Variants in SKAP1 observed in about 807,000 individuals in gnomAD.
SKAP1 encodes the protein src kinase associated phosphoprotein 1.
A neutral mutation model predicts 58.5 loss-of-function variants in SKAP1; 44 were observed. The ratio of observed to expected loss-of-function variants is 0.75; its 90% CI spans 0.59 to 0.97. SKAP1 has a LOEUF of 0.97. SKAP1 is among the 50% of genes least tolerant of loss of function. The probability of loss-of-function intolerance (pLI) is 0.00; values close to 1 mark genes in which losing one functional copy is unlikely to be tolerated. For missense variants in SKAP1, 390 were observed against 435.2 expected (o/e 0.90, Z 0.92); for synonymous variants, 127 against 149.7 (o/e 0.85, Z 1.11).
rs1035512057 is a variant in SKAP1 at position 48,270,849 on chromosome 17, G to T, written c.280+75056C>A. ...AAATCTCCCACTGATGGATACATAG[G>T]TTGTTTCCAAATTTGCACTATAATT... On this transcript the variant is annotated intron_variant, in intron 4 of 12. Transcript: ENST00000336915. Among the ~76,000 whole-genome samples, 5 of 151,330 alleles carry T rather than the reference G, an allele frequency of 3.3e-5. No homozygotes were observed. In the East Asian group the frequency reaches 9.7e-4, roughly 29 times the overall value.
intron 11 of SKAP1, among the ~76,000 whole-genome samples, chr17:48,158,751 G>T (rs1212164770): frequency 2.6e-5 from 4 of 151,676 alleles, no homozygotes; most frequent in Non-Finnish European, 5.9e-5. Context: ...ACGAGGTCAG[G>T]AGATTGAGAC....
chr17:48,134,767 GATCTCGGCTC>G (rs1249255965), intron 12 of SKAP1, among the ~76,000 whole-genome samples: 1 of 151,754 alleles, frequency 6.6e-6, no homozygotes, highest in Non-Finnish European at 1.5e-5. Context: ...ACAATGGCGC[GATCTCGGCTC>G]ACTGCAACCT....
At chr17:48,197,754 A>G (rs967176734) in intron 4 of SKAP1, among the ~76,000 whole-genome samples, 2 of 152,214 alleles carry the variant, frequency 1.3e-5, no homozygotes, top group African/African-American at 4.8e-5. Context: ...TTCTTTTCAT[A>G]AAGTATTCCC....
chr17:48,220,953 A>C (rs530351739), intron 4 of SKAP1, among the ~76,000 whole-genome samples: 3 of 151,628 alleles, frequency 2.0e-5, no homozygotes, highest in African/African-American at 7.3e-5. Flanking sequence ...TAGGGCTTAC[A>C]TAAGTGTGTT....
chr17:48,232,828 A>G (rs866662635), intron 4 of SKAP1, among the ~76,000 whole-genome samples: 3 of 152,336 alleles, frequency 2.0e-5, no homozygotes, highest in Middle Eastern at 3.4e-3. Flanking sequence ...CACTGCCTGC[A>G]TAGGAAAGCT....
At chr17:48,338,372 G>A (rs536558731) in intron 4 of SKAP1, among the ~76,000 whole-genome samples, 10 of 152,054 alleles carry the variant, frequency 6.6e-5, no homozygotes, top group Non-Finnish European at 1.3e-4. Context: ...AGCTGGTCTC[G>A]AACTCCTGAC....
chr17:48,372,034 C>G (rs1268835146), intron 2 of SKAP1, among the ~76,000 whole-genome samples: 1 of 151,482 alleles, frequency 6.6e-6, no homozygotes, highest in Non-Finnish European at 1.5e-5. Context: ...GTGCAGTGCA[C>G]AATCTCCATT....
At chr17:48,333,817 TA>T (rs1356578981) in intron 4 of SKAP1, among the ~76,000 whole-genome samples, 1 of 152,006 alleles carries the variant, frequency 6.6e-6, no homozygotes, top group Non-Finnish European at 1.5e-5. Flanking sequence ...GGAAAACATT[TA>T]AAATACTAAT....
At chr17:48,429,851 G>A (rs1229713566) in intron 1 of SKAP1, among the ~76,000 whole-genome samples, 1 of 152,192 alleles carries the variant, frequency 6.6e-6, no homozygotes, top group Non-Finnish European at 1.5e-5. Context: ...GTGGAGGCGT[G>A]GAGGTGCCTC....
intron 2 of SKAP1, among the ~76,000 whole-genome samples, chr17:48,369,010 A>G (rs1410545593): frequency 3.9e-5 from 6 of 152,078 alleles, no homozygotes; most frequent in Non-Finnish European, 5.9e-5. Flanking sequence ...AGCTGGGCGT[A>G]GTGGCGCATG....
At chr17:48,357,505 C>G (rs2066890730) in intron 3 of SKAP1, among the ~76,000 whole-genome samples, 1 of 152,052 alleles carries the variant, frequency 6.6e-6, no homozygotes, top group Non-Finnish European at 1.5e-5. Context: ...TGGCGGGCGC[C>G]TGTAGTCCCA....
At chr17:48,159,378 T>C (rs769426490) in intron 11 of SKAP1, among the ~76,000 whole-genome samples, 98 of 152,334 alleles carry the variant, frequency 6.4e-4, no homozygotes, top group Middle Eastern at 6.8e-3. Context: ...TAAGCTGAGC[T>C]GCACACAGCT....
chr17:48,427,065 G>A (rs2067862081), intron 1 of SKAP1, among the ~76,000 whole-genome samples: 2 of 152,076 alleles, frequency 1.3e-5, no homozygotes, highest in South Asian at 4.2e-4. Flanking sequence ...ACACAAAGAT[G>A]TATGAAATAA....
chr17:48,411,398 C>CAAATAAATAAATAAATAAATAAAT (rs55868728), intron 1 of SKAP1, among the ~76,000 whole-genome samples: 87 of 147,294 alleles, frequency 5.9e-4, no homozygotes, highest in East Asian at 4.8e-3. Context: ...GATTCCATCT[C>CAAATAAATAAATAAATAAATAAAT]AAATAAATAA....
chr17:48,191,370 T>G (rs1201810195), intron 4 of SKAP1, among the ~76,000 whole-genome samples: 2 of 152,252 alleles, frequency 1.3e-5, no homozygotes, highest in Non-Finnish European at 2.9e-5. Context: ...AACTCAAATC[T>G]CTTTTGGATT....
At chr17:48,361,201 G>GTT (rs767927061) in intron 3 of SKAP1, among the ~76,000 whole-genome samples, 1 of 138,004 alleles carries the variant, frequency 7.2e-6, no homozygotes, top group Non-Finnish European at 1.6e-5. Context: ...GGCTGCCTTG[G>GTT]TTTTTTTTTT....
intron 4 of SKAP1, among the ~76,000 whole-genome samples, chr17:48,314,932 T>C (rs7213513): frequency 0.33 from 50,713 of 151,948 alleles, 9,164 homozygotes; most frequent in African/African-American, 0.47. Context: ...AAAAACATTG[T>C]TTCTAATTCC....
intron 4 of SKAP1, among the ~76,000 whole-genome samples, chr17:48,261,367 C>T (rs1030085214): frequency 1.3e-5 from 2 of 152,142 alleles, no homozygotes; most frequent in African/African-American, 4.8e-5. Context: ...TGGCACCAAC[C>T]TTTACCCTCT....
chr17:48,380,669 A>G (rs2067203877), intron 2 of SKAP1, among the ~76,000 whole-genome samples: 1 of 152,182 alleles, frequency 6.6e-6, no homozygotes, highest in East Asian at 1.9e-4. Flanking sequence ...AAGGAAACAG[A>G]TATTTACCAG....
Sources: allele counts gnomAD v4.1 joint callset (sites outside exome capture counted in the v4.1 genomes callset), GRCh38; gene constraint gnomAD v4.1.1; transcripts MANE v1.5; gene names NCBI Gene and HGNC (gene_info 2026-07-23, HGNC 2026-07-21).